TRMT9B: variants seen among roughly 807,000 people sequenced by gnomAD.
The protein encoded by TRMT9B is tRNA methyltransferase 9B (putative).
TRMT9B carries 16 observed loss-of-function variants against 11.5 expected under a neutral mutation model. The observed-to-expected ratio is 1.39, with a 90% confidence interval of 0.94 to 2.11. The LOEUF (loss-of-function observed/expected upper bound fraction) is 2.11. TRMT9B is among the 30% of genes most tolerant of loss of function. The pLI, the probability that TRMT9B is intolerant of heterozygous loss-of-function variation, is 0.00. For missense variants in TRMT9B, 941 were observed against 553.8 expected (o/e 1.70, Z -7.02); for synonymous variants, 274 against 192.4 (o/e 1.42, Z -3.51).
At chr8:13,015,723 G>C (rs575615978) in intron 4 of TRMT9B, among the ~76,000 whole-genome samples, 2 of 152,120 alleles carry the variant, frequency 1.3e-5, no homozygotes, top group South Asian at 4.2e-4. Context: ...GAAGGAAGGG[G>C]ATATAGACCA....
chr8:12,951,557 C>A (rs1047248998), intron 1 of TRMT9B: 4 of 152,160 alleles, frequency 2.6e-5, no homozygotes, highest in African/African-American at 9.7e-5. Flanking sequence ...CACGTTCGGG[C>A]GGGGCGATTG....
chr8:12,968,869 G>C (rs1216694552), intron 1 of TRMT9B, among the ~76,000 whole-genome samples: 3 of 152,208 alleles, frequency 2.0e-5, no homozygotes, highest in African/African-American at 7.2e-5. Flanking sequence ...CAGATTTGCA[G>C]GACTTCGGCA....
intron 1 of TRMT9B, among the ~76,000 whole-genome samples, chr8:12,973,745 G>A (rs1370632733): frequency 2.0e-5 from 3 of 152,266 alleles, no homozygotes. Flanking sequence ...AGCCATAAGC[G>A]TCTGCACAGA....
intron 1 of TRMT9B, among the ~76,000 whole-genome samples, chr8:12,959,345 C>T (rs6986271): frequency 0.31 from 46,666 of 151,756 alleles, 7,728 homozygotes; most frequent in East Asian, 0.65. Context: ...TTGTTTCATG[C>T]GTACAATTAT....
intron 2 of TRMT9B, among the ~76,000 whole-genome samples, chr8:12,992,375 C>T (rs1412944635): frequency 6.6e-6 from 1 of 152,034 alleles, no homozygotes; most frequent in African/African-American, 2.4e-5. Flanking sequence ...AGTCCTGGGG[C>T]CGGGCACAGT....
At chr8:13,020,125 G>A (rs911271619) in intron 4 of TRMT9B, among the ~76,000 whole-genome samples, 3 of 152,108 alleles carry the variant, frequency 2.0e-5, no homozygotes, top group African/African-American at 4.8e-5. Context: ...TTGACCCTTA[G>A]AGCAACCCTC....
chr8:13,013,097 T>C (rs188870867), intron 4 of TRMT9B, among the ~76,000 whole-genome samples: 9 of 152,380 alleles, frequency 5.9e-5, no homozygotes, highest in Admixed American at 5.2e-4. Context: ...TTTTTATGAT[T>C]CATTCCAATT....
Position 12,990,901 on chromosome 8 carries a change from A to C in TRMT9B, c.-132A>C. 3.1e-6 allele frequency: 4 copies of C among 1,289,444 alleles called. No individual in the cohort carries two copies. Among genetic ancestry groups the C allele is most frequent in the Non-Finnish European group, 4.0e-6 (4 of 988,588 alleles). 79.9% of individuals were successfully genotyped at this position (1,289,444 alleles called of 1,614,324 possible). On this transcript the variant is annotated 5_prime_UTR_variant, in exon 2 of 5. Coordinates refer to ENST00000524591, the MANE Select transcript of TRMT9B (RefSeq NM_020844.3). ...GAGAAGGACCGCACTATTTCATTTC[A>C]CTCCTACAAGTTTTCATTTACGTTA...
At chr8:12,995,454 TTGTC>T (rs1451425507) in intron 2 of TRMT9B, among the ~76,000 whole-genome samples, 1 of 152,166 alleles carries the variant, frequency 6.6e-6, no homozygotes, top group Non-Finnish European at 1.5e-5. Flanking sequence ...TCTTAGCTCT[TTGTC>T]TGCTTTCCTT....
intron 2 of TRMT9B, among the ~76,000 whole-genome samples, chr8:13,000,964 A>G (rs1013219443): frequency 6.6e-5 from 10 of 152,098 alleles, no homozygotes; most frequent in African/African-American, 2.4e-4. Context: ...TTTCTTGGAG[A>G]TGAGTGACCC....
intron 1 of TRMT9B, among the ~76,000 whole-genome samples, chr8:12,968,611 C>T (rs1216027176): frequency 6.6e-6 from 1 of 152,156 alleles, no homozygotes; most frequent in East Asian, 1.9e-4. Context: ...GAGCCGATAG[C>T]CACGTGGACT....
chr8:13,012,651 G>C (rs2460338), intron 3 of TRMT9B, 33 bp from the exon 4 acceptor site: 437,362 of 1,574,382 alleles, frequency 0.28, 66,047 homozygotes, highest in East Asian at 0.59. Flanking sequence ...TTTCCATTGA[G>C]GATAGCATGT....
chr8:12,995,900 C>T (rs1469743928), intron 2 of TRMT9B, among the ~76,000 whole-genome samples: 1 of 152,142 alleles, frequency 6.6e-6, no homozygotes, highest in African/African-American at 2.4e-5. Context: ...AAACAGTAGA[C>T]TAAATATCAC....
chr8:12,965,979 C>T (rs1802755502), intron 1 of TRMT9B, among the ~76,000 whole-genome samples: 1 of 151,614 alleles, frequency 6.6e-6, no homozygotes, highest in African/African-American at 2.4e-5. Flanking sequence ...TGCCACCGCA[C>T]CCCAGCCTGG....
chr8:12,949,706 ATTTG>A (rs1800448873), intron 1 of TRMT9B, among the ~76,000 whole-genome samples: 1 of 152,170 alleles, frequency 6.6e-6, no homozygotes, highest in South Asian at 2.1e-4. Flanking sequence ...AATATTTTAC[ATTTG>A]TTTATTATAT....
At chr8:12,994,256 T>A (rs1807928923) in intron 2 of TRMT9B, among the ~76,000 whole-genome samples, 1 of 152,190 alleles carries the variant, frequency 6.6e-6, no homozygotes, top group Admixed American at 6.5e-5. Flanking sequence ...GATCAGGTAT[T>A]CCCCAGAATC....
chr8:12,954,985 C>G (rs145466072), intron 1 of TRMT9B, among the ~76,000 whole-genome samples: 1 of 152,262 alleles, frequency 6.6e-6, no homozygotes, highest in African/African-American at 2.4e-5. Context: ...GGTGTAAATG[C>G]TGAGTACACA....
intron 1 of TRMT9B, among the ~76,000 whole-genome samples, chr8:12,976,747 A>G (rs1451836582): frequency 6.6e-6 from 1 of 152,214 alleles, no homozygotes; most frequent in African/African-American, 2.4e-5. Context: ...TCCTGGGGTT[A>G]GCACTGACAG....
At chr8:12,968,577 G>A (rs1326661332) in intron 1 of TRMT9B, among the ~76,000 whole-genome samples, 2 of 152,206 alleles carry the variant, frequency 1.3e-5, no homozygotes, top group African/African-American at 4.8e-5. Flanking sequence ...TCTTAAGAGA[G>A]TGACATTTGG....
Sources: allele counts gnomAD v4.1 joint callset (sites outside exome capture counted in the v4.1 genomes callset), GRCh38; gene constraint gnomAD v4.1.1; transcripts MANE v1.5; gene names NCBI Gene and HGNC (gene_info 2026-07-23, HGNC 2026-07-21).